The following PITPNC1 variants were observed in gnomAD, a reference collection of about 807,000 sequenced individuals.
PITPNC1 encodes the protein cytoplasmic phosphatidylinositol transfer protein 1.
A neutral mutation model predicts 44.7 loss-of-function variants in PITPNC1; 18 were observed. That is an observed-to-expected ratio of 0.40 (90% CI 0.28 to 0.60). The LOEUF is 0.60. PITPNC1 is among the 20% of genes least tolerant of loss of function. The pLI, the probability that PITPNC1 is intolerant of heterozygous loss-of-function variation, is 0.39. For missense variants in PITPNC1, 290 were observed against 418.4 expected (o/e 0.69, Z 2.68); for synonymous variants, 141 against 149.6 (o/e 0.94, Z 0.42).
intron 1 of PITPNC1, among the ~76,000 whole-genome samples, chr17:67,385,713 G>A (rs558619110): frequency 2.0e-5 from 3 of 151,478 alleles, no homozygotes; most frequent in Admixed American, 1.3e-4. Context: ...CCAGGGGACA[G>A]TGGAGGTTTG....
chr17:67,454,894 A>G (rs2039234384), intron 1 of PITPNC1, among the ~76,000 whole-genome samples: 1 of 146,692 alleles, frequency 6.8e-6, no homozygotes, highest in African/African-American at 2.6e-5. Context: ...ATCACAGCTC[A>G]CTGCAGCCTC....
At chr17:67,391,735 C>T (rs1274881106) in intron 1 of PITPNC1, among the ~76,000 whole-genome samples, 1 of 152,084 alleles carries the variant, frequency 6.6e-6, no homozygotes, top group African/African-American at 2.4e-5. Context: ...CTCACCTCGG[C>T]CTCTCAAAGT....
At chr17:67,606,127 A>G (rs2041604668) in intron 5 of PITPNC1, among the ~76,000 whole-genome samples, 1 of 152,194 alleles carries the variant, frequency 6.6e-6, no homozygotes, top group African/African-American at 2.4e-5. Flanking sequence ...CAACTGGCTG[A>G]CTGAATTGAT....
At chr17:67,655,858 A>C (rs2042260544) in intron 6 of PITPNC1, among the ~76,000 whole-genome samples, 1 of 152,070 alleles carries the variant, frequency 6.6e-6, no homozygotes. Flanking sequence ...TGAGCCCAGG[A>C]GCTCAAGGCT....
rs908503079 is a variant in PITPNC1 at position 67,694,030 on chromosome 17, G to C, written c.*1142G>C. ...GTGGGAGGAGAGAATGAGCAGAATT[G>C]CTGACTCCTATTTGTAGAGTGAAAA... On this transcript the variant is annotated 3_prime_UTR_variant, in exon 9 of 9. Transcript: ENST00000581322. 6.6e-6 allele frequency: 1 copy of C among 152,266 alleles called. No individual in the cohort carries two copies. Among genetic ancestry groups the C allele is most frequent in the Non-Finnish European group, 1.5e-5 (1 of 68,044 alleles). The allele number at this position is 152,266 out of a possible 1,614,324, so 9.4% of individuals were successfully genotyped here.
intron 8 of PITPNC1, chr17:67,687,279 C>T: frequency 2.8e-6 from 2 of 710,226 alleles, no homozygotes; most frequent in Non-Finnish European, 2.5e-6. Context: ...TCGCAACCTT[C>T]CATAGAAACA....
At position 67,502,853 on chromosome 17, in the gene PITPNC1, C is replaced by A. The variant is rs980726627; in HGVS notation, c.49-29949C>A. On this transcript the variant is annotated intron_variant, in intron 1 of 8. Coordinates refer to ENST00000581322, the MANE Select transcript of PITPNC1 (RefSeq NM_012417.4). ...TGTCACCCAGGCTGGAGTATAGTGG[C>A]GCGATCTTGGCTCCTCTGCAACCTC... Among the ~76,000 whole-genome samples the A allele has an allele frequency of 3.3e-5, 5 of 151,648 alleles. No homozygotes were observed. In the East Asian group the frequency reaches 9.7e-4, roughly 29 times the overall value.
In PITPNC1 at chr17:67,553,631, A is replaced by G. The variant is rs1233867737; in HGVS notation, c.294+14A>G. On this transcript the variant is annotated intron_variant, in intron 4 of 8. Transcript: ENST00000581322. ...ACAGAATACACAGTAAGTTCCATTT[A>G]ATTATTTTTAAACATTCTGTCTATG... 8.7e-7 allele frequency: 1 copy of G among 1,151,364 alleles called. No homozygotes were observed. Among genetic ancestry groups the G allele is most frequent in the African/African-American group, 1.5e-5 (1 of 64,836 alleles). The allele number at this position is 1,151,364 out of a possible 1,614,324, so 71.3% of individuals were successfully genotyped here.
At chr17:67,582,063 G>A (rs910891223) in intron 5 of PITPNC1, among the ~76,000 whole-genome samples, 1 of 152,040 alleles carries the variant, frequency 6.6e-6, no homozygotes, top group African/African-American at 2.4e-5. Context: ...GAAAAGGAGG[G>A]CTGCATCCGT....
Position 67,676,345 on chromosome 17 carries a change from C to T in PITPNC1, c.682+803C>T, listed in dbSNP as rs2042603494. Among the ~76,000 whole-genome samples, 1 of 151,836 alleles carries T rather than the reference C, an allele frequency of 6.6e-6. No homozygotes were observed. Among genetic ancestry groups the T allele is most frequent in the South Asian group, 2.1e-4 (1 of 4,820 alleles). On this transcript the variant is annotated intron_variant, in intron 8 of 8. Transcript: ENST00000581322. The surrounding 1 kb of genome is among the most constrained non-coding windows in gnomAD (Gnocchi z 4.0). ...ATTGTTCTGGCTTTTTTTTCATGATCTGGGAAGAGTTAAACAATTTCTACA... is the reference window on the plus strand; with the variant it reads ...ATTGTTCTGGCTTTTTTTTCATGATTTGGGAAGAGTTAAACAATTTCTACA...
At chr17:67,609,576 C>G (rs1340141264) in intron 5 of PITPNC1, among the ~76,000 whole-genome samples, 1 of 151,974 alleles carries the variant, frequency 6.6e-6, no homozygotes, top group African/African-American at 2.4e-5. Context: ...AGGCGTGAAC[C>G]ACCGCACCCA....
At chr17:67,582,119 A>G (rs2041243110) in intron 5 of PITPNC1, among the ~76,000 whole-genome samples, 1 of 152,216 alleles carries the variant, frequency 6.6e-6, no homozygotes, top group Admixed American at 6.5e-5. Flanking sequence ...CATAAGAAGT[A>G]TATATTTATC....
At chr17:67,657,217 A>T (rs1386525415) in intron 6 of PITPNC1, among the ~76,000 whole-genome samples, 1 of 151,716 alleles carries the variant, frequency 6.6e-6, no homozygotes, top group African/African-American at 2.4e-5. Flanking sequence ...ATTCAAAAGC[A>T]TTTACCTGGA....
chr17:67,626,535 A>G (rs1455422680), intron 5 of PITPNC1, among the ~76,000 whole-genome samples: 5 of 152,016 alleles, frequency 3.3e-5, no homozygotes, highest in African/African-American at 9.7e-5. Flanking sequence ...ACACCCAGCT[A>G]ATTTTTGTAT....
intron 1 of PITPNC1, among the ~76,000 whole-genome samples, chr17:67,498,313 G>A (rs1342761261): frequency 2.6e-5 from 4 of 151,956 alleles, no homozygotes; most frequent in Non-Finnish European, 2.9e-5. Flanking sequence ...TTTAATATTG[G>A]CCGGACATGG....
In PITPNC1 at chr17:67,579,925, C is replaced by T. The variant is rs184824503; in HGVS notation, c.366+1668C>T. Among the ~76,000 whole-genome samples, 405 of 146,514 alleles carry T rather than the reference C, an allele frequency of 2.8e-3. 1 individual carries two copies. Among genetic ancestry groups the T allele is most frequent in the Non-Finnish European group, 4.2e-3 (284 of 66,938 alleles). ...ACTGCACTCCAGCCTGGCAACAGAG[C>T]GAGACTCTGTCTCAAAAAAAAAAAA... On this transcript the variant is annotated intron_variant, in intron 5 of 8. Transcript: ENST00000581322.
chr17:67,390,121 C>T (rs970168210), intron 1 of PITPNC1, among the ~76,000 whole-genome samples: 13 of 152,122 alleles, frequency 8.5e-5, no homozygotes, highest in Admixed American at 1.3e-4. Flanking sequence ...GTTACGGTCC[C>T]CGTCCATAAG....
intron 1 of PITPNC1, among the ~76,000 whole-genome samples, chr17:67,500,838 A>G (rs1309896345): frequency 2.0e-5 from 3 of 148,990 alleles, no homozygotes; most frequent in Non-Finnish European, 4.5e-5. Flanking sequence ...CGCGCACACC[A>G]CCACACTTGA....
At chr17:67,623,650 C>G (rs1322777416) in intron 5 of PITPNC1, among the ~76,000 whole-genome samples, 2 of 152,224 alleles carry the variant, frequency 1.3e-5, no homozygotes, top group African/African-American at 4.8e-5. Flanking sequence ...TCCCAAAGTG[C>G]TGGGATTACA....
Sources: allele counts gnomAD v4.1 joint callset (sites outside exome capture counted in the v4.1 genomes callset), GRCh38; gene constraint gnomAD v4.1.1; non-coding constraint Gnocchi (gnomAD v3.1); transcripts MANE v1.5; gene names NCBI Gene and HGNC (gene_info 2026-07-23, HGNC 2026-07-21).